HS6ST3: variants seen among roughly 807,000 people sequenced by gnomAD.
HS6ST3 encodes heparan-sulfate 6-O-sulfotransferase 3.
Under a neutral mutation model 36.7 loss-of-function variants are expected in HS6ST3, and 12 were observed. The observed-to-expected ratio is 0.33, with a 90% CI of 0.21 to 0.53. The LOEUF (loss-of-function observed/expected upper bound fraction) is 0.53, where lower values mean the gene tolerates loss of function less well. Ranked by LOEUF, HS6ST3 falls within the 20% of genes least tolerant of loss-of-function variation. The pLI, the probability that HS6ST3 is intolerant of heterozygous loss-of-function variation, is 0.95. For missense variants in HS6ST3, 584 were observed against 640.9 expected, an observed-to-expected ratio of 0.91 and a Z score of 0.96; for synonymous variants, 240 against 257.5, an observed-to-expected ratio of 0.93 and a Z score of 0.65.
At chr13:96,466,652 A>G (rs1046147737) in intron 1 of HS6ST3, among the ~76,000 whole-genome samples, 3 of 152,216 alleles carry the variant, frequency 2.0e-5, no homozygotes, top group African/African-American at 2.4e-5. Context: ...AACGAGAAAT[A>G]AAGGAAATGG....
At chr13:96,809,473 A>G (rs909428640) in intron 1 of HS6ST3, among the ~76,000 whole-genome samples, 2 of 152,242 alleles carry the variant, frequency 1.3e-5, no homozygotes, top group Admixed American at 6.5e-5. Context: ...AAGAATGGCC[A>G]GGCGACATAT....
chr13:96,111,703 G>T (rs2053868962), intron 1 of HS6ST3, among the ~76,000 whole-genome samples: 1 of 152,006 alleles, frequency 6.6e-6, no homozygotes, highest in Non-Finnish European at 1.5e-5. Flanking sequence ...CAGAGATTTT[G>T]GTATATCAGC....
At chr13:96,291,403 T>A (rs571822858) in intron 1 of HS6ST3, among the ~76,000 whole-genome samples, 1 of 152,190 alleles carries the variant, frequency 6.6e-6, no homozygotes, top group Non-Finnish European at 1.5e-5. Flanking sequence ...TTTCTCAACA[T>A]GCCTGGTGCA....
chr13:96,575,100 A>G (rs999442321), intron 1 of HS6ST3, among the ~76,000 whole-genome samples: 3 of 152,212 alleles, frequency 2.0e-5, no homozygotes, highest in Non-Finnish European at 4.4e-5. Context: ...CATCAAGATC[A>G]GAAGCCTTTT....
At chr13:96,456,427 A>G (rs1422353978) in intron 1 of HS6ST3, among the ~76,000 whole-genome samples, 1 of 152,192 alleles carries the variant, frequency 6.6e-6, no homozygotes, top group African/African-American at 2.4e-5. Flanking sequence ...CTCTACCCCA[A>G]TTACATGAAT....
At chr13:96,246,813 C>T (rs767701869) in intron 1 of HS6ST3, among the ~76,000 whole-genome samples, 1 of 152,068 alleles carries the variant, frequency 6.6e-6, no homozygotes, top group Non-Finnish European at 1.5e-5. Context: ...AATGGATTTC[C>T]ATCAGGAGAG....
At chr13:96,790,883 TA>T (rs1351149716) in intron 1 of HS6ST3, among the ~76,000 whole-genome samples, 1 of 152,070 alleles carries the variant, frequency 6.6e-6, no homozygotes, top group Admixed American at 6.6e-5. Flanking sequence ...GATAAATGTT[TA>T]CCTAAACATT....
chr13:96,810,597 A>G (rs1878297306), intron 1 of HS6ST3, among the ~76,000 whole-genome samples: 1 of 152,220 alleles, frequency 6.6e-6, no homozygotes, highest in African/African-American at 2.4e-5. Flanking sequence ...AAAGTTCCAG[A>G]AAGGTTAAAT....
chr13:96,464,138 C>CAAAAAAAAAAAAAAAAAAAAAAAAAAA lies in HS6ST3; in HGVS notation c.708-368329_708-368328insAAAAAAAAAAAAAAAAAAAAAAAAAAA, dbSNP rs67305199. On this transcript the variant is annotated intron_variant, in intron 1 of 1. Transcript: ENST00000376705. ...TCCTCAGGAAAGGACTGTCAGGCCTCAAAAAAAAAAAAAAAAAAAAAAATC... is the reference window on the plus strand; with the variant it reads ...TCCTCAGGAAAGGACTGTCAGGCCTCAAAAAAAAAAAAAAAAAAAAAAAAAAAAAAAAAAAAAAAAAAAAAAAAAATC... Among the ~76,000 whole-genome samples the CAAAAAAAAAAAAAAAAAAAAAAAAAAA allele has an allele frequency of 2.2e-3, 84 of 38,784 alleles. 16 individuals carry two copies. Among genetic ancestry groups the CAAAAAAAAAAAAAAAAAAAAAAAAAAA allele is most frequent in the Non-Finnish European group, 3.7e-3 (73 of 19,900 alleles). The allele number at this position is 38,784 out of a possible 152,430, so 25.4% of individuals were successfully genotyped here.
chr13:96,620,212 T>C (rs897662815), intron 1 of HS6ST3, among the ~76,000 whole-genome samples: 6 of 152,198 alleles, frequency 3.9e-5, no homozygotes, highest in African/African-American at 1.4e-4. Context: ...CAATATTTGA[T>C]TTACAACCAA....
intron 1 of HS6ST3, among the ~76,000 whole-genome samples, chr13:96,381,285 A>G (rs1789162807): frequency 6.6e-6 from 1 of 152,180 alleles, no homozygotes; most frequent in South Asian, 2.1e-4. Context: ...TTATAAGCTT[A>G]TATTTTTCAA....
intron 1 of HS6ST3, among the ~76,000 whole-genome samples, chr13:96,617,502 G>A (rs1283350785): frequency 2.6e-5 from 4 of 152,148 alleles, no homozygotes; most frequent in Admixed American, 6.5e-5. Context: ...TTTCACTAAT[G>A]TTCCTTCCTC....
At chr13:96,225,641 AACTTT>A (rs1460768014) in intron 1 of HS6ST3, among the ~76,000 whole-genome samples, 1 of 152,262 alleles carries the variant, frequency 6.6e-6, no homozygotes, top group Middle Eastern at 3.4e-3. Context: ...TTATTTTAAT[AACTTT>A]ACTTTTCTAT....
chr13:96,561,965 T>C lies in HS6ST3; in HGVS notation c.708-270525T>C, dbSNP rs147821531. On this transcript the variant is annotated intron_variant, in intron 1 of 1. Transcript: ENST00000376705. ...TAGTTCAGTCACTGTGAAAAACAGT[T>C]TGGAGATTTGTCAAATAAGTTAAAA... Among the ~76,000 whole-genome samples the C allele has an allele frequency of 2.4e-3, 358 of 152,272 alleles. 3 individuals are homozygous for C. The highest frequency in any genetic ancestry group is 4.0e-4 in the Non-Finnish European group (27 of 68,024).
At chr13:96,481,186 AAAGT>A in intron 1 of HS6ST3, among the ~76,000 whole-genome samples, 1 of 152,356 alleles carries the variant, frequency 6.6e-6, no homozygotes, top group Admixed American at 6.5e-5. Context: ...CAATTAAGTC[AAAGT>A]AAGATGAACT....
At chr13:96,220,006 G>T (rs939612941) in intron 1 of HS6ST3, among the ~76,000 whole-genome samples, 1 of 152,148 alleles carries the variant, frequency 6.6e-6, no homozygotes, top group African/African-American at 2.4e-5. Flanking sequence ...TTAAACTCTA[G>T]TGGCATCATT....
At chr13:96,760,040 T>C (rs1876926768) in intron 1 of HS6ST3, among the ~76,000 whole-genome samples, 1 of 152,074 alleles carries the variant, frequency 6.6e-6, no homozygotes, top group South Asian at 2.1e-4. Flanking sequence ...CCTTGTTTTC[T>C]TAAAAATTCA....
intron 1 of HS6ST3, among the ~76,000 whole-genome samples, chr13:96,622,673 A>G (rs1345951198): frequency 1.3e-5 from 2 of 152,278 alleles, no homozygotes; most frequent in South Asian, 4.1e-4. Context: ...CTTTTCCCAC[A>G]TCTTAAATAT....
chr13:96,353,473 C>A (rs978422487), intron 1 of HS6ST3, among the ~76,000 whole-genome samples: 3 of 151,980 alleles, frequency 2.0e-5, no homozygotes, highest in Admixed American at 2.0e-4. Context: ...TAGAGTCAAT[C>A]ATTCTTTACA....
Sources: allele counts gnomAD v4.1 joint callset (sites outside exome capture counted in the v4.1 genomes callset), GRCh38; gene constraint gnomAD v4.1.1; transcripts MANE v1.5; gene names NCBI Gene and HGNC (gene_info 2026-07-23, HGNC 2026-07-21).